The following PRRC2C variants were observed in gnomAD, a reference collection of about 807,000 sequenced individuals.
The protein encoded by PRRC2C is protein PRRC2C.
In PRRC2C, 72 loss-of-function variants were observed where a neutral mutation model predicts 317.2. The observed-to-expected ratio is 0.23, with a 90% confidence interval of 0.19 to 0.28. PRRC2C has a LOEUF of 0.28. PRRC2C is among the 10% of genes least tolerant of loss of function. PRRC2C has a pLI of 1.00. For missense variants in PRRC2C, 3,074 were observed against 3,459.7 expected, an observed-to-expected ratio of 0.89 and a Z score of 2.80; for synonymous variants, 1,296 against 1,205.9, an observed-to-expected ratio of 1.07 and a Z score of -1.55.
intron 11 of PRRC2C, 54 bp downstream of exon 11, chr1:171,527,898 T>G: frequency 6.8e-7 from 1 of 1,460,162 alleles, no homozygotes; most frequent in Non-Finnish European, 9.3e-7. Context: ...CCTTTTGTTT[T>G]GGTGGAAAGA....
chr1:171,519,940 A>G (rs567586192), intron 6 of PRRC2C, among the ~76,000 whole-genome samples: 7 of 152,274 alleles, frequency 4.6e-5, no homozygotes, highest in African/African-American at 7.2e-5. Flanking sequence ...TAATCATTCT[A>G]GACTAACAGA....
rs921885245 is a variant in PRRC2C, at chr1:171,591,673, C to T, written c.8523C>T (p.Ala2841=). 1.9e-6 allele frequency: 3 copies of T among 1,613,610 alleles called. No homozygotes were observed. Among genetic ancestry groups the T allele is most frequent in the Non-Finnish European group, 1.7e-6 (2 of 1,179,832 alleles). ...GCAAACAGATAGGAGGAGGCAAAGC[C>T]CAGAAAGTGGACAGTGATTCAAGTA... ...QQSKQIGGGK[A]QKVDSDSSKP... is the part of the protein sequence containing the mutation. The change falls in exon 35 of 35, where the codon GCC becomes GCT. Residue 2841 remains alanine (A), a synonymous_variant. Transcript: ENST00000647382.
intron 33 of PRRC2C, among the ~76,000 whole-genome samples, chr1:171,588,944 AAAGG>A (rs1438383182): frequency 6.6e-6 from 1 of 152,236 alleles, no homozygotes; most frequent in Non-Finnish European, 1.5e-5. Flanking sequence ...TGATCGTATA[AAAGG>A]ACTAAGAACT....
chr1:171,586,063 ATTTTTT>A (rs920423722), intron 30 of PRRC2C, among the ~76,000 whole-genome samples: 2 of 83,032 alleles, frequency 2.4e-5, no homozygotes, highest in African/African-American at 9.4e-5. Flanking sequence ...TCAGGTGTTG[ATTTTTT>A]TTTTTTTTTT....
At chr1:171,560,192 A>T (rs1000297591) in intron 19 of PRRC2C, among the ~76,000 whole-genome samples, 2 of 152,252 alleles carry the variant, frequency 1.3e-5, no homozygotes, top group Admixed American at 1.3e-4. Context: ...ATGTCAGAAT[A>T]TCAACATTAA....
At position 171,534,930 on chromosome 1, in the gene PRRC2C, A is replaced by G. The variant is rs527666281; in HGVS notation, c.1874-498A>G. Among the ~76,000 whole-genome samples, 16 of 152,332 alleles carry G rather than the reference A, an allele frequency of 1.1e-4. No homozygotes were observed. The South Asian group carries it at 1.4e-3, about 14-fold the overall frequency. On this transcript the variant is annotated intron_variant, in intron 12 of 34. Transcript: ENST00000647382. Reference sequence around the variant, plus strand: ...GAATGAATTATGTTTGAAGATAACTAGTGATCACTCTGTTGTCTTCAGACT... The same window carrying G: ...GAATGAATTATGTTTGAAGATAACTGGTGATCACTCTGTTGTCTTCAGACT...
Position 171,541,213 on chromosome 1 carries a change from G to A in PRRC2C, c.3747G>A (p.Glu1249=), listed in dbSNP as rs1233286778. The change falls in exon 16 of 35, where the codon GAG becomes GAA. Residue 1249 remains glutamate (E), a synonymous_variant. Coordinates refer to ENST00000647382, the MANE Select transcript of PRRC2C (RefSeq NM_001387844.1). The surrounding 1 kb of genome is among the most constrained non-coding windows in gnomAD (Gnocchi z 4.1). ...GAGAAGAAAGTGAAACACGGAGTGAGAGCTCTGATTTTGAAGTTGTCCCCA... is the reference window on the plus strand; with the variant it reads ...GAGAAGAAAGTGAAACACGGAGTGAAAGCTCTGATTTTGAAGTTGTCCCCA... ...RQREESETRS[E]SSDFEVVPKR... 8 of 1,613,406 alleles carry A rather than the reference G, an allele frequency of 5.0e-6. No homozygotes were observed. Among genetic ancestry groups the A allele is most frequent in the Middle Eastern group, 1.6e-4 (1 of 6,080 alleles).
Position 171,579,983 on chromosome 1 carries a change from A to G in PRRC2C, c.7409+19A>G. The G allele has an allele frequency of 1.4e-6, 2 of 1,478,656 alleles. No homozygotes were observed. The highest frequency in any genetic ancestry group is 1.8e-6 in the Non-Finnish European group (2 of 1,113,036). The allele number at this position is 1,478,656 out of a possible 1,614,324, so 91.6% of individuals were successfully genotyped here. On this transcript the variant is annotated intron_variant, in intron 28 of 34. Coordinates refer to ENST00000647382, the MANE Select transcript of PRRC2C (RefSeq NM_001387844.1). ...CATATAGGTAAATGCTTTAAAAGTT[A>G]TGTTTGTAATGATGTTGAAAACATT...
At chr1:171,511,839 T>C in intron 1 of PRRC2C, 193 bp from the exon 2 acceptor site, 1 of 314,496 alleles carries the variant, frequency 3.2e-6, no homozygotes, top group East Asian at 7.4e-5. Flanking sequence ...TATAACCATA[T>C]ATAACTGATA....
intron 16 of PRRC2C, among the ~76,000 whole-genome samples, chr1:171,544,837 A>G (rs568229824): frequency 6.6e-6 from 1 of 152,318 alleles, no homozygotes; most frequent in South Asian, 2.1e-4. Context: ...CTTGAGTAAT[A>G]CTATAGGCTA....
rs1650375217 is a variant in PRRC2C, at chr1:171,587,734, A to G, written c.8055A>G (p.Pro2685=). 1.9e-6 allele frequency: 3 copies of G among 1,610,672 alleles called. No homozygotes were observed. The change falls in exon 32 of 35, where the codon CCA becomes CCG. Residue 2685 remains proline (P), a synonymous_variant. Coordinates refer to ENST00000647382, the MANE Select transcript of PRRC2C (RefSeq NM_001387844.1). ...CAATCGCTGGTAGAAGCACCACACC[A>G]ACATCTAGTCCCTTCCGGTAAAATG... is the stretch of plus-strand genomic sequence containing the variant. ...TPPIAGRSTT[P]TSSPFRATST...
chr1:171,533,003 G>T, intron 12 of PRRC2C, 42 bp downstream of exon 12: 1 of 1,484,994 alleles, frequency 6.7e-7, no homozygotes, highest in Non-Finnish European at 8.9e-7. Flanking sequence ...ACTTTACAAA[G>T]AGCTTTATGT....
Position 171,550,179 on chromosome 1 carries a change from A to G in PRRC2C, c.5066A>G (p.Lys1689Arg), listed in dbSNP as rs1006990523. Reference protein sequence around the residue: ...NDDGFTEVVSKKQQKRLQDEE... With the variant: ...NDDGFTEVVSRKQQKRLQDEE... ...GATGGTTTTACTGAAGTGGTATCCA[A>G]AAAACAACAAAAACGTTTACAGGAT... Residue 1689 changes from lysine (K) to arginine (R), a missense_variant, in exon 18 of 35, where the codon AAA (lysine) becomes AGA (arginine). By Grantham distance (26) the Lys-to-Arg change is conservative. Around this residue, in one of 11 missense-constraint regions of PRRC2C, gnomAD observed 640 missense variants for 676.1 expected, o/e 0.95. Transcript: ENST00000647382. The G allele has an allele frequency of 6.2e-7, 1 of 1,607,190 alleles. No individual in the cohort carries two copies. The highest frequency in any genetic ancestry group is 1.3e-5 in the African/African-American group (1 of 74,972).
At chr1:171,544,764 A>G (rs1678725831) in intron 16 of PRRC2C, among the ~76,000 whole-genome samples, 1 of 152,230 alleles carries the variant, frequency 6.6e-6, no homozygotes, top group African/African-American at 2.4e-5. Context: ...AGCACCATAT[A>G]GAAGAAATGA....
chr1:171,591,259 T>C (rs978307058), intron 34 of PRRC2C: 18 of 994,356 alleles, frequency 1.8e-5, no homozygotes, highest in Non-Finnish European at 2.0e-5. Context: ...CACATATTGA[T>C]AACTAGAAGT....
chr1:171,496,803 G>A (rs934497590), intron 1 of PRRC2C, among the ~76,000 whole-genome samples: 2 of 145,098 alleles, frequency 1.4e-5, no homozygotes, highest in Non-Finnish European at 3.1e-5. Context: ...GTGTGTGTGT[G>A]TGTGTGTGTT....
rs1194567922 is a variant in PRRC2C at position 171,592,465 on chromosome 1, A to T, written c.*618A>T. On this transcript the variant is annotated 3_prime_UTR_variant, in exon 35 of 35. Transcript: ENST00000647382. Reference sequence around the variant, plus strand: ...TCTTCCTGGATGAATGAGCAGATAAATATTGATGTCAGCATCCTTGAACCA... The same window carrying T: ...TCTTCCTGGATGAATGAGCAGATAATTATTGATGTCAGCATCCTTGAACCA... The T allele has an allele frequency of 6.6e-6, 1 of 152,290 alleles. No individual in the cohort carries two copies. Among genetic ancestry groups the T allele is most frequent in the Admixed American group, 6.5e-5 (1 of 15,290 alleles). The allele number at this position is 152,290 out of a possible 1,614,324, so 9.4% of individuals were successfully genotyped here. A position where few individuals can be genotyped will look rare whatever the true frequency, so the allele number is the denominator to read the frequency against.
intron 1 of PRRC2C, among the ~76,000 whole-genome samples, chr1:171,497,156 T>C (rs943188091): frequency 2.0e-5 from 3 of 152,228 alleles, no homozygotes; most frequent in African/African-American, 7.2e-5. Context: ...TGATATCTTA[T>C]TCTATATTGT....
intron 14 of PRRC2C, among the ~76,000 whole-genome samples, chr1:171,536,654 A>G (rs1373840500): frequency 1.3e-5 from 2 of 152,064 alleles, no homozygotes; most frequent in East Asian, 3.9e-4. Context: ...CCAACCTAAC[A>G]CTTGAATTTC....
Sources: allele counts gnomAD v4.1 joint callset (sites outside exome capture counted in the v4.1 genomes callset), GRCh38; gene constraint gnomAD v4.1.1; regional missense constraint gnomAD v4.1.1; non-coding constraint Gnocchi (gnomAD v3.1); transcripts MANE v1.5; gene names NCBI Gene and HGNC (gene_info 2026-07-23, HGNC 2026-07-21).